IL33: variants seen among roughly 807,000 people sequenced by gnomAD.
IL33 encodes interleukin-33.
IL33 carries 37 observed loss-of-function variants against 27.3 expected under a neutral mutation model. The ratio of observed to expected loss-of-function variants is 1.36; its 90% CI spans 1.04 to 1.78. IL33 has a LOEUF of 1.78. IL33 is among the 40% of genes most tolerant of loss of function. The pLI is 0.00. For synonymous variants in IL33, 132 were observed against 102.9 expected, an observed-to-expected ratio of 1.28 and a Z score of -1.71; for missense variants, 406 against 311.4, an observed-to-expected ratio of 1.30 and a Z score of -2.29.
At chr9:6,218,494 T>C (rs976482557) in intron 1 of IL33, among the ~76,000 whole-genome samples, 3 of 151,510 alleles carry the variant, frequency 2.0e-5, no homozygotes, top group Admixed American at 6.6e-5. Flanking sequence ...TTCGGGGAAA[T>C]AGGCATGAAA....
intron 1 of IL33, among the ~76,000 whole-genome samples, chr9:6,229,136 C>G (rs938446297): frequency 2.6e-5 from 4 of 152,054 alleles, no homozygotes; most frequent in African/African-American, 9.7e-5. Flanking sequence ...TGTACAGGAG[C>G]ACAGGAAAGA....
intron 1 of IL33, among the ~76,000 whole-genome samples, chr9:6,236,339 G>A (rs1001429187): frequency 6.6e-6 from 1 of 151,990 alleles, no homozygotes; most frequent in African/African-American, 2.4e-5. Context: ...AAGAATGTCA[G>A]GATCTACCAC....
rs1050427994 is a variant in IL33, at chr9:6,246,114, G to C, written c.91+4329G>C. Among the ~76,000 whole-genome samples the C allele has an allele frequency of 2.9e-5, 4 of 138,818 alleles. No individual in the cohort carries two copies. In the East Asian group the frequency reaches 8.4e-4, roughly 29 times the overall value. 91.1% of individuals were successfully genotyped at this position (138,818 alleles called of 152,430 possible). A position where few individuals can be genotyped will look rare whatever the true frequency, so the allele number is the denominator to read the frequency against. ...AAAAAAAAAGAATTGGGTGGATAAT[G>C]ATAGATAGTTGTACTATTTCTCAAG... is the stretch of plus-strand genomic sequence containing the variant. On this transcript the variant is annotated intron_variant, in intron 2 of 7. Coordinates refer to ENST00000682010, the MANE Select transcript of IL33 (RefSeq NM_033439.4).
chr9:6,242,194 A>G (rs1047908704), intron 2 of IL33: 1 of 153,520 alleles, frequency 6.5e-6, no homozygotes, highest in African/African-American at 2.4e-5. Context: ...GGTATCAGGC[A>G]TGTGGTCTTA....
At chr9:6,228,869 C>G (rs1818783787) in intron 1 of IL33, among the ~76,000 whole-genome samples, 1 of 149,048 alleles carries the variant, frequency 6.7e-6, no homozygotes, top group Non-Finnish European at 1.5e-5. Context: ...AATCAGCTTT[C>G]AGATATTTGG....
In IL33 at chr9:6,242,771, A is replaced by C. The variant is rs1030526496; in HGVS notation, c.91+986A>C. On this transcript the variant is annotated intron_variant, in intron 2 of 7. Transcript: ENST00000682010. ...CACTGCAGAAGCACTGCCAGTAATT[A>C]TTCTCTGGGCAAATGGGAAAGGGTT... 7 of 152,268 alleles carry C rather than the reference A, an allele frequency of 4.6e-5. No individual in the cohort carries two copies. The East Asian group carries it at 1.2e-3, about 25-fold the overall frequency. 9.4% of individuals were successfully genotyped at this position (152,268 alleles called of 1,614,324 possible).
intron 1 of IL33, among the ~76,000 whole-genome samples, chr9:6,217,856 GA>G (rs1564042757): frequency 6.8e-6 from 1 of 146,880 alleles, no homozygotes; most frequent in Non-Finnish European, 1.5e-5. Context: ...AGAGACTTGA[GA>G]GTGAAGTGTC....
intron 4 of IL33, 62 bp from the exon 5 acceptor site, chr9:6,252,802 AGC>A: frequency 1.3e-6 from 2 of 1,584,070 alleles, no homozygotes. Flanking sequence ...TTTTTGAGGG[AGC>A]ATTTTTTAAA....
intron 2 of IL33, among the ~76,000 whole-genome samples, chr9:6,246,259 C>T (rs572412896): frequency 6.1e-4 from 92 of 151,834 alleles, no homozygotes; most frequent in Non-Finnish European, 9.3e-4. Flanking sequence ...ATTACCATTG[C>T]GATAGTATTA....
chr9:6,223,067 T>C (rs1818478988), intron 1 of IL33, among the ~76,000 whole-genome samples: 1 of 152,208 alleles, frequency 6.6e-6, no homozygotes, highest in South Asian at 2.1e-4. Flanking sequence ...GGCTCCTCTG[T>C]GTCACTACCT....
At chr9:6,244,475 G>C (rs1450374616) in intron 2 of IL33, among the ~76,000 whole-genome samples, 1 of 151,988 alleles carries the variant, frequency 6.6e-6, no homozygotes, top group Non-Finnish European at 1.5e-5. Flanking sequence ...TATAAGTTAG[G>C]CACAATGAGA....
chr9:6,233,985 G>A (rs973317218), intron 1 of IL33, among the ~76,000 whole-genome samples: 1 of 152,156 alleles, frequency 6.6e-6, no homozygotes, highest in African/African-American at 2.4e-5. Flanking sequence ...GGTCTCTATA[G>A]TACTCATTAC....
At chr9:6,216,451 A>C (rs914552114) in intron 1 of IL33, among the ~76,000 whole-genome samples, 2 of 152,238 alleles carry the variant, frequency 1.3e-5, no homozygotes, top group African/African-American at 4.8e-5. Flanking sequence ...AAAGGGGGAC[A>C]TCACTAAGTG....
Position 6,257,453 on chromosome 9 carries a change from A to G in IL33, c.*1285A>G, listed in dbSNP as rs1816801592. ...CTGTTGTAGAATTTTAGATAAAGCTATTAATGGCAATATTTTTTTGCTAAA... is the reference window on the plus strand; with the variant it reads ...CTGTTGTAGAATTTTAGATAAAGCTGTTAATGGCAATATTTTTTTGCTAAA... On this transcript the variant is annotated 3_prime_UTR_variant, in exon 8 of 8. Transcript: ENST00000682010. The G allele has an allele frequency of 6.6e-6, 1 of 152,654 alleles. No homozygotes were observed. Among genetic ancestry groups the G allele is most frequent in the Non-Finnish European group, 1.5e-5 (1 of 68,042 alleles). The allele number at this position is 152,654 out of a possible 1,614,324, so 9.5% of individuals were successfully genotyped here. A position where few individuals can be genotyped will look rare whatever the true frequency, so the allele number is the denominator to read the frequency against.
chr9:6,227,497 TATA>T lies in IL33; in HGVS notation c.-12+11648_-12+11650del, dbSNP rs373595552. ...AACAGCATATTTCATTAAATAACTTTATAATGAGTAAATATAAATGTAAACTTA... is the reference window on the plus strand; with the variant it reads ...AACAGCATATTTCATTAAATAACTTTATGAGTAAATATAAATGTAAACTTA... On this transcript the variant is annotated intron_variant, in intron 1 of 7. Coordinates refer to ENST00000682010, the MANE Select transcript of IL33 (RefSeq NM_033439.4). Among the ~76,000 whole-genome samples the T allele has an allele frequency of 1.6e-4, 24 of 152,328 alleles. No homozygotes were observed. In the East Asian group the frequency reaches 4.0e-3, roughly 26 times the overall value.
At chr9:6,217,106 G>T (rs1818181606) in intron 1 of IL33, among the ~76,000 whole-genome samples, 1 of 152,062 alleles carries the variant, frequency 6.6e-6, no homozygotes, top group Admixed American at 6.6e-5. Flanking sequence ...TGTGAAAAAT[G>T]GTCCTCGTGT....
rs1269624640 is a variant in IL33, at chr9:6,255,977, T to C, written c.622T>C (p.Cys208Arg). ...TCTCTTGTTTCCTCAGCTCCATAAGTGTGAAAAACCACTGCCAGACCAGGC... is the reference window on the plus strand; with the variant it reads ...TCTCTTGTTTCCTCAGCTCCATAAGCGTGAAAAACCACTGCCAGACCAGGC... ...NKEHSVELHK[C>R]EKPLPDQAFF... The change falls in exon 8 of 8, where the codon TGT becomes CGT. Residue 208 changes from cysteine (C) to arginine (R), a missense_variant. Cys to Arg is a radical substitution (Grantham distance 180). Transcript: ENST00000682010. The C allele has an allele frequency of 6.2e-7, 1 of 1,613,400 alleles. No individual in the cohort carries two copies. Among genetic ancestry groups the C allele is most frequent in the Non-Finnish European group, 8.5e-7 (1 of 1,179,468 alleles).
At chr9:6,253,475 G>A in intron 5 of IL33, 77 bp from the exon 6 acceptor site, 1 of 941,624 alleles carries the variant, frequency 1.1e-6, no homozygotes, top group Non-Finnish European at 1.6e-6. Context: ...GATATTTTCT[G>A]ATGTTATGTG....
intron 1 of IL33, among the ~76,000 whole-genome samples, chr9:6,233,629 AT>A (rs1270934683): frequency 6.6e-6 from 1 of 152,192 alleles, no homozygotes; most frequent in African/African-American, 2.4e-5. Flanking sequence ...CGCTGAAAAT[AT>A]ATCTTCTCAT....
Sources: gnomAD v4.1 joint callset for allele counts (sites outside exome capture counted in the v4.1 genomes callset) on GRCh38, gnomAD v4.1.1 for gene constraint, MANE v1.5 for transcripts, NCBI Gene and HGNC (gene_info 2026-07-23, HGNC 2026-07-21) for gene names.